The following LDB3 variants were observed in gnomAD, a reference collection of about 807,000 sequenced individuals.
The protein encoded by LDB3 is LIM domain-binding protein 3.
In LDB3, 49 loss-of-function variants were observed where a neutral mutation model predicts 69.0. The ratio of observed to expected loss-of-function variants is 0.71; its 90% CI spans 0.56 to 0.90. LDB3 has a LOEUF of 0.90. LDB3 is among the 40% of genes least tolerant of loss of function. The pLI, the probability that LDB3 is intolerant of heterozygous loss-of-function variation, is 0.00. For synonymous variants in LDB3, 387 were observed against 396.2 expected (o/e 0.98, Z 0.28); for missense variants, 928 against 974.1 (o/e 0.95, Z 0.63).
At chr10:86,698,470 T>C (rs1846104554) in intron 7 of LDB3, among the ~76,000 whole-genome samples, 1 of 152,206 alleles carries the variant, frequency 6.6e-6, no homozygotes, top group South Asian at 2.1e-4. Context: ...CTGACGCCTG[T>C]GGCACTGGCC....
chr10:86,671,133 G>A (rs1161034662), intron 2 of LDB3, among the ~76,000 whole-genome samples: 5 of 152,214 alleles, frequency 3.3e-5, no homozygotes, highest in Admixed American at 1.3e-4. Flanking sequence ...GGGGTGGGCA[G>A]GCAGGCGAGG....
intron 9 of LDB3, among the ~76,000 whole-genome samples, chr10:86,714,705 G>A (rs888317381): frequency 1.2e-4 from 18 of 151,926 alleles, no homozygotes; most frequent in Non-Finnish European, 2.2e-4. Context: ...ACAGGCACCC[G>A]CCACCACACC....
intron 5 of LDB3, among the ~76,000 whole-genome samples, chr10:86,689,972 T>C (rs982917675): frequency 2.0e-5 from 3 of 152,210 alleles, no homozygotes; most frequent in African/African-American, 7.2e-5. Flanking sequence ...CACAGCAGTT[T>C]CCTTATCTGA....
At chr10:86,718,930 C>G in intron 12 of LDB3, 83 bp downstream of exon 12, 3 of 1,558,764 alleles carry the variant, frequency 1.9e-6, no homozygotes, top group Non-Finnish European at 2.6e-6. Flanking sequence ...CCTGCCTAAT[C>G]CATTCACATC....
rs746330606 is a variant in LDB3 at position 86,732,988 on chromosome 10, C to T, written c.*12C>T. 1.9e-6 allele frequency: 3 copies of T among 1,605,054 alleles called. No homozygotes were observed. Among genetic ancestry groups the T allele is most frequent in the Admixed American group, 1.7e-5 (1 of 59,660 alleles). On this transcript the variant is annotated 3_prime_UTR_variant, in exon 14 of 14. Coordinates refer to ENST00000361373, the MANE Select transcript of LDB3 (RefSeq NM_007078.3). ...CCATCAACTTGTAGGCGGCCAAGGCCGCCTGTGCTGACGAGGCCCGGAGCT... is the reference window on the plus strand; with the variant it reads ...CCATCAACTTGTAGGCGGCCAAGGCTGCCTGTGCTGACGAGGCCCGGAGCT...
At chr10:86,700,766 C>T (rs1341900338) in intron 7 of LDB3, among the ~76,000 whole-genome samples, 2 of 152,242 alleles carry the variant, frequency 1.3e-5, no homozygotes, top group Non-Finnish European at 2.9e-5. Context: ...CACTAGCTAG[C>T]ACCCCATTCA....
intron 7 of LDB3, among the ~76,000 whole-genome samples, chr10:86,704,918 G>A (rs753714749): frequency 4.6e-5 from 7 of 151,334 alleles, no homozygotes; most frequent in African/African-American, 7.3e-5. Context: ...GTTTCTCCAC[G>A]TTGGTCAGGC....
chr10:86,679,112 T>C (rs554137590), intron 2 of LDB3, among the ~76,000 whole-genome samples: 2 of 152,142 alleles, frequency 1.3e-5, no homozygotes, highest in Non-Finnish European at 2.9e-5. Flanking sequence ...GGAAGGAGCA[T>C]ACATTGCTTC....
intron 9 of LDB3, 183 bp downstream of exon 9, chr10:86,710,233 T>G: frequency 1.0e-6 from 1 of 985,306 alleles, no homozygotes; most frequent in Non-Finnish European, 1.2e-6. Flanking sequence ...GCATCTGGTC[T>G]GGGGGAGACA....
intron 12 of LDB3, among the ~76,000 whole-genome samples, chr10:86,725,411 C>G (rs1441587313): frequency 2.6e-5 from 4 of 152,188 alleles, no homozygotes. Context: ...CATTGATGAA[C>G]TGATTGATTG....
In LDB3 at chr10:86,699,171, A is replaced by G; in HGVS notation, c.896+6600A>G. 7.5e-7 allele frequency: 1 copy of G among 1,331,196 alleles called. No individual in the cohort carries two copies. Among genetic ancestry groups the G allele is most frequent in the Non-Finnish European group, 1.1e-6 (1 of 935,668 alleles). 82.5% of individuals were successfully genotyped at this position (1,331,196 alleles called of 1,614,324 possible). A position where few individuals can be genotyped will look rare whatever the true frequency, so the allele number is the denominator to read the frequency against. On this transcript the variant is annotated intron_variant, in intron 7 of 13. Coordinates refer to ENST00000361373, the MANE Select transcript of LDB3 (RefSeq NM_007078.3). The surrounding 1 kb of genome is among the most constrained non-coding windows in gnomAD (Gnocchi z 4.9). ...TCTGCCCCACCTGTTAGACAGGGGA[A>G]TGGTGAACACATTCCCTAACCCCTT...
chr10:86,726,025 A>G, intron 12 of LDB3, 112 bp from the exon 13 acceptor site: 1 of 726,786 alleles, frequency 1.4e-6, no homozygotes, highest in Non-Finnish European at 2.5e-6. Flanking sequence ...GATGACAAAC[A>G]ACCAATTAGA....
chr10:86,692,388 C>T lies in LDB3; in HGVS notation c.860-147C>T, dbSNP rs1369313726. On this transcript the variant is annotated intron_variant, in intron 6 of 13. Coordinates refer to ENST00000361373, the MANE Select transcript of LDB3 (RefSeq NM_007078.3). ...ACTCTTTCCCAATGTCCTCTGGGGC[C>T]TCTGCCCAGCACACAGTGGACAGGC... 2.2e-5 allele frequency: 19 copies of T among 865,278 alleles called. No homozygotes were observed. The East Asian group carries it at 2.7e-4, about 12-fold the overall frequency. The allele number at this position is 865,278 out of a possible 1,614,324, so 53.6% of individuals were successfully genotyped here.
At chr10:86,694,695 T>C (rs1407755087) in intron 7 of LDB3, among the ~76,000 whole-genome samples, 1 of 152,184 alleles carries the variant, frequency 6.6e-6, no homozygotes, top group Non-Finnish European at 1.5e-5. Flanking sequence ...GCAGGTGCAG[T>C]GGGTGTAGCA....
At chr10:86,686,702 G>C (rs1589633522) in intron 5 of LDB3, among the ~76,000 whole-genome samples, 2 of 151,806 alleles carry the variant, frequency 1.3e-5, no homozygotes, top group Non-Finnish European at 2.9e-5. Context: ...GCTACCTCAG[G>C]AGGCTGAGGT....
chr10:86,684,315 C>T (rs1332632199), intron 5 of LDB3, among the ~76,000 whole-genome samples: 6 of 152,238 alleles, frequency 3.9e-5, no homozygotes, highest in Non-Finnish European at 8.8e-5. Flanking sequence ...CCATCCCGGC[C>T]CCAGGTCCTG....
Position 86,699,109 on chromosome 10 carries a change from A to G in LDB3, c.896+6538A>G, listed in dbSNP as rs1039916115. ...GGTTACAATGTACCCCATGGATTGCATAGCTTCTCCAAGCCCGTTCCCTCC... is the reference window on the plus strand; with the variant it reads ...GGTTACAATGTACCCCATGGATTGCGTAGCTTCTCCAAGCCCGTTCCCTCC... On this transcript the variant is annotated intron_variant, in intron 7 of 13. Coordinates refer to ENST00000361373, the MANE Select transcript of LDB3 (RefSeq NM_007078.3). The surrounding 1 kb of genome is among the most constrained non-coding windows in gnomAD (Gnocchi z 4.9). Among the ~76,000 whole-genome samples the G allele has an allele frequency of 2.0e-5, 3 of 151,878 alleles. No individual in the cohort carries two copies. The highest frequency in any genetic ancestry group is 4.4e-5 in the Non-Finnish European group (3 of 67,952).
chr10:86,730,410 G>A (rs968596783), intron 13 of LDB3, among the ~76,000 whole-genome samples: 2 of 145,372 alleles, frequency 1.4e-5, no homozygotes, highest in Admixed American at 6.8e-5. Context: ...GTGATTTCCT[G>A]GCAGACTCTG....
At chr10:86,708,687 G>A (rs1846533252) in intron 8 of LDB3, among the ~76,000 whole-genome samples, 1 of 152,210 alleles carries the variant, frequency 6.6e-6, no homozygotes, top group Admixed American at 6.5e-5. Context: ...GCTTCACTCA[G>A]CCAGAAACTC....
Sources: gnomAD v4.1 joint callset for allele counts (sites outside exome capture counted in the v4.1 genomes callset) on GRCh38, gnomAD v4.1.1 for gene constraint, Gnocchi (gnomAD v3.1) non-coding constraint, MANE v1.5 for transcripts, NCBI Gene and HGNC (gene_info 2026-07-23, HGNC 2026-07-21) for gene names.